Variants in DUOX2 observed in about 807,000 individuals in gnomAD.
DUOX2 encodes the protein dual oxidase 2, also known as NADH/NADPH thyroid oxidase p138-tox.
A neutral mutation model predicts 183.3 loss-of-function variants in DUOX2; 185 were observed. The ratio of observed to expected loss-of-function variants is 1.01; its 90% CI spans 0.90 to 1.14. The LOEUF (loss-of-function observed/expected upper bound fraction) is 1.14, where lower values mean the gene tolerates loss of function less well. Ranked by LOEUF, DUOX2 falls within the 50% of genes most tolerant of loss-of-function variation. The pLI is 0.00. For synonymous variants in DUOX2, 788 were observed against 812.4 expected (o/e 0.97, Z 0.51); for missense variants, 1,999 against 2,022.9 (o/e 0.99, Z 0.23).
chr15:45,096,481 T>C (rs1223231238), intron 29 of DUOX2, among the ~76,000 whole-genome samples: 3 of 152,056 alleles, frequency 2.0e-5, no homozygotes, highest in Non-Finnish European at 4.4e-5. Flanking sequence ...CTTTTCCAAT[T>C]CAATTAATCT....
chr15:45,095,385 T>C (rs1389717977), intron 31 of DUOX2, 52 bp downstream of exon 31: 1 of 1,610,962 alleles, frequency 6.2e-7, no homozygotes, highest in Non-Finnish European at 8.5e-7. Context: ...TTGATGCGGG[T>C]CACAATTCGG....
chr15:45,099,012 TC>T lies in DUOX2; in HGVS notation c.3515+370del, dbSNP rs146865634. On this transcript the variant is annotated intron_variant, in intron 26 of 33. Coordinates refer to ENST00000389039, the MANE Select transcript of DUOX2 (RefSeq NM_001363711.2). ...AGCCATTGTGCCCTGCCTATTTCTT[TC>T]TTTTTTTTTTTTTTTGAGACGGAGT... The T allele has an allele frequency of 2.6e-4, 73 of 281,894 alleles. 1 individual carries two copies. Among genetic ancestry groups the T allele is most frequent in the African/African-American group, 9.2e-4 (41 of 44,756 alleles). 17.5% of individuals were successfully genotyped at this position (281,894 alleles called of 1,614,324 possible).
rs758318135 is a variant in DUOX2 at position 45,099,417 on chromosome 15, CCAG to C, written c.3478_3480del (p.Leu1160del). 2.3e-5 allele frequency: 37 copies of C among 1,614,134 alleles called. No homozygotes were observed. In the East Asian group the frequency reaches 8.0e-4, roughly 35 times the overall value. The stretch of plus-strand genomic sequence containing the variant: ...ACAAAGACGTTGGGGAATATGCAGG[CCAG>C]CAGGCTGAGTGGGCTGACTGAGAAG... On this transcript the variant is annotated inframe_deletion, in exon 26 of 34. Transcript: ENST00000389039.
At chr15:45,099,955 C>T (rs1015473418) in intron 24 of DUOX2, 63 bp from the exon 25 acceptor site, 4 of 1,611,400 alleles carry the variant, frequency 2.5e-6, no homozygotes, top group Admixed American at 3.3e-5. Flanking sequence ...GCCCTGGGCT[C>T]TCCCATGCAG....
chr15:45,112,431 C>A, intron 4 of DUOX2, 123 bp downstream of exon 4: 1 of 1,221,798 alleles, frequency 8.2e-7, no homozygotes, highest in Non-Finnish European at 1.2e-6. Flanking sequence ...CGAAGTGCTG[C>A]GTAGAGAGGA....
intron 22 of DUOX2, 82 bp downstream of exon 22, chr15:45,101,123 G>T: frequency 1.6e-6 from 2 of 1,278,596 alleles, no homozygotes; most frequent in Non-Finnish European, 2.3e-6. Context: ...TTTACCAGGG[G>T]CTGATCAGCC....
At chr15:45,110,042 G>C (rs1192736362) in intron 9 of DUOX2, 62 bp from the exon 10 acceptor site, 2 of 1,478,390 alleles carry the variant, frequency 1.4e-6, no homozygotes, top group African/African-American at 1.4e-5. Flanking sequence ...ATGGGGTTGA[G>C]TGGGCTGAGG....
chr15:45,094,011 C>CAATATTGGGAG lies in DUOX2; in HGVS notation c.*128_*138dup. The CAATATTGGGAG allele has an allele frequency of 1.8e-6, 2 of 1,128,508 alleles. No individual in the cohort carries two copies. The highest frequency in any genetic ancestry group is 2.7e-6 in the Non-Finnish European group (2 of 753,626). The allele number at this position is 1,128,508 out of a possible 1,614,324, so 69.9% of individuals were successfully genotyped here. On this transcript the variant is annotated 3_prime_UTR_variant, in exon 34 of 34. Coordinates refer to ENST00000389039, the MANE Select transcript of DUOX2 (RefSeq NM_001363711.2). ...ATAATTGTCTGGGTCAATATTCTCC[C>CAATATTGGGAG]AATATTGGGAGGGGCTCTGCAGCCC... is the stretch of plus-strand genomic sequence containing the variant.
rs1396471210 is a variant in DUOX2, at chr15:45,107,459, A to G, written c.1579T>C (p.Phe527Leu). ...YWFENTRNGL[F>L]SKKEIEDIRN... ...ATGTCTTCAATCTCCTTCTTGGAGA[A>G]CAGCCTAAGTTGGAGGAAGTAGAAG... The change falls in exon 14 of 34, where the codon TTC (phenylalanine) becomes CTC (leucine). Residue 527 changes from phenylalanine to leucine, a missense_variant. By Grantham distance (22) the Phe-to-Leu change is conservative. Coordinates refer to ENST00000389039, the MANE Select transcript of DUOX2 (RefSeq NM_001363711.2). 1.2e-6 allele frequency: 2 copies of G among 1,614,044 alleles called. No homozygotes were observed. Among genetic ancestry groups the G allele is most frequent in the Middle Eastern group, 1.7e-4 (1 of 6,060 alleles).
intron 11 of DUOX2, chr15:45,109,300 A>G (rs1055883310): frequency 1.3e-5 from 8 of 604,674 alleles, no homozygotes; most frequent in Admixed American, 2.9e-5. Flanking sequence ...CCCCTCCCCA[A>G]TACTCAGACA....
chr15:45,103,410 G>C (rs1049663647), intron 20 of DUOX2, among the ~76,000 whole-genome samples: 1 of 152,144 alleles, frequency 6.6e-6, no homozygotes, highest in Non-Finnish European at 1.5e-5. Flanking sequence ...TGTTACTGAC[G>C]CATTCATTGT....
Position 45,101,909 on chromosome 15 carries a change from C to T in DUOX2, c.2735G>A (p.Gly912Glu), listed in dbSNP as rs1894093007. Residue 912 changes from glycine to glutamate, a missense_variant, in exon 21 of 34, where the codon GGA becomes GAA. Physicochemically the swap from Gly to Glu is moderately conservative, Grantham distance 98. This residue lies in a region of DUOX2 where 1,628 missense variants were observed against 1,608.6 expected (regional missense o/e 1.01). Transcript: ENST00000389039. ...TGTCAGCTCCTCCTTGTCCTGGAATCCCGACTCCCGGAACATAGACTCCAC... is the reference window on the plus strand; with the variant it reads ...TGTCAGCTCCTCCTTGTCCTGGAATTCCGACTCCCGGAACATAGACTCCAC... ...EVVESMFRESGFQDKEELTWE... is the reference protein window; with the variant it reads ...EVVESMFRESEFQDKEELTWE... 1 of 1,614,214 alleles carries T rather than the reference C, an allele frequency of 6.2e-7. No individual in the cohort carries two copies. The highest frequency in any genetic ancestry group is 2.2e-5 in the East Asian group (1 of 44,882).
intron 12 of DUOX2, 184 bp from the exon 13 acceptor site, chr15:45,108,406 C>T (rs1437674320): frequency 1.4e-6 from 1 of 702,488 alleles, no homozygotes; most frequent in African/African-American, 1.8e-5. Context: ...TGTCCCTACC[C>T]ACGGTAACAC....
chr15:45,109,812 T>C (rs1894328690), intron 10 of DUOX2, 78 bp downstream of exon 10: 12 of 1,453,864 alleles, frequency 8.3e-6, no homozygotes, highest in Middle Eastern at 3.5e-4. Flanking sequence ...ACTCAAGAAC[T>C]GGGATTGTTG....
rs1894321608 is a variant in DUOX2 at position 45,109,544 on chromosome 15, A to G, written c.1214T>C (p.Ile405Thr). The G allele has an allele frequency of 3.1e-6, 5 of 1,613,918 alleles. No individual in the cohort carries two copies. In the South Asian group the frequency reaches 3.3e-5, roughly 11 times the overall value. The change falls in exon 11 of 34, where the codon ATA (isoleucine) becomes ACA (threonine). Residue 405 changes from isoleucine to threonine, a missense_variant. Physicochemically the swap from Ile to Thr is moderately conservative, Grantham distance 89. Around this residue, in one of 3 missense-constraint regions of DUOX2, gnomAD observed 1,628 missense variants for 1,608.6 expected, o/e 1.01. Coordinates refer to ENST00000389039, the MANE Select transcript of DUOX2 (RefSeq NM_001363711.2). The part of the protein sequence containing the change: ...ASQISELEDN[I>T]VVEDLRDYWP... The stretch of plus-strand genomic sequence containing the variant: ...CTCACCCCTCAGATCTTCAACCACT[A>G]TGTTGTCCTCCAACTCCGAAATCTG...
At position 45,106,926 on chromosome 15, in the gene DUOX2, CAGGCCG is replaced by C; in HGVS notation, c.1731_1736del (p.Asp577_Leu579delinsGlu). ...GCACAGTCAGGGGTGCACACTGGGGCAGGCCGTCAGTTGTGAGCTGCTTAGGTTGAG... is the reference window on the plus strand; with the variant it reads ...GCACAGTCAGGGGTGCACACTGGGGCTCAGTTGTGAGCTGCTTAGGTTGAG... On this transcript the variant is annotated inframe_deletion, in exon 15 of 34. Coordinates refer to ENST00000389039, the MANE Select transcript of DUOX2 (RefSeq NM_001363711.2). The C allele has an allele frequency of 6.3e-7, 1 of 1,580,588 alleles. No homozygotes were observed. The highest frequency in any genetic ancestry group is 1.3e-5 in the African/African-American group (1 of 74,876).
intron 13 of DUOX2, 88 bp downstream of exon 13, chr15:45,107,959 G>C: frequency 2.0e-6 from 3 of 1,502,566 alleles, no homozygotes; most frequent in Non-Finnish European, 2.8e-6. Context: ...TGGGAATCAA[G>C]GGCTCATAGG....
Position 45,113,052 on chromosome 15 carries a change from G to A in DUOX2, c.95C>T (p.Pro32Leu), listed in dbSNP as rs2141160297. 6.2e-7 allele frequency: 1 copy of A among 1,613,988 alleles called. No individual in the cohort carries two copies. Among genetic ancestry groups the A allele is most frequent in the East Asian group, 2.2e-5 (1 of 44,866 alleles). The change falls in exon 3 of 34, where the codon CCC becomes CTC. Residue 32 changes from proline to leucine, a missense_variant. Physicochemically the swap from Pro to Leu is moderately conservative, Grantham distance 98 (BLOSUM62 -3). Around this residue, in one of 3 missense-constraint regions of DUOX2, gnomAD observed 356 missense variants for 356.4 expected, o/e 1.00. Coordinates refer to ENST00000389039, the MANE Select transcript of DUOX2 (RefSeq NM_001363711.2). The part of the protein sequence containing the change: ...PSGSQDALSL[P>L]WEVQRYDGWF... ...GCCGTCATAGCGCTGCACTTCCCAG[G>A]GCAGTGAGAGTGCGTCCTGACTGCC...
chr15:45,108,922 C>A lies in DUOX2; in HGVS notation c.1265G>T (p.Arg422Leu). 6.2e-7 allele frequency: 1 copy of A among 1,614,198 alleles called. No individual in the cohort carries two copies. The highest frequency in any genetic ancestry group is 8.5e-7 in the Non-Finnish European group (1 of 1,180,044). ...GATGCTGCTGGCCACATAGTCTGTA[C>A]GGGAGAATTTGCCAGGGCCAGGCCA... ...DYWPGPGKFS[R>L]TDYVASSIQR... is the part of the protein sequence containing the mutation. Residue 422 changes from arginine to leucine, a missense_variant, in exon 12 of 34, where the codon CGT becomes CTT. Transcript: ENST00000389039.
Sources: gnomAD v4.1 joint callset for allele counts (sites outside exome capture counted in the v4.1 genomes callset) on GRCh38, gnomAD v4.1.1 for gene constraint, gnomAD v4.1.1 regional missense constraint, MANE v1.5 for transcripts, NCBI Gene and HGNC (gene_info 2026-07-23, HGNC 2026-07-21) for gene names.